CSMD1: variants seen among roughly 807,000 people sequenced by gnomAD.
CSMD1 encodes the protein CUB and sushi domain-containing protein 1.
Under a neutral mutation model 417.5 loss-of-function variants are expected in CSMD1, and 213 were observed. The observed-to-expected ratio is 0.51, with a 90% CI of 0.46 to 0.57. The LOEUF (loss-of-function observed/expected upper bound fraction) is 0.57, where lower values mean the gene tolerates loss of function less well. CSMD1 is among the 20% of genes least tolerant of loss of function. CSMD1 has a pLI of 0.00. For synonymous variants in CSMD1, 2,862 were observed against 1,736.8 expected (o/e 1.65, Z -16.11); for missense variants, 6,923 against 4,529.7 (o/e 1.53, Z -15.17).
At chr8:3,032,836 A>C (rs1256143733) in intron 50 of CSMD1, among the ~76,000 whole-genome samples, 3 of 152,104 alleles carry the variant, frequency 2.0e-5, no homozygotes, top group Non-Finnish European at 2.9e-5. Context: ...CACCCTTAAA[A>C]GAATATTTTT....
At chr8:3,651,399 G>A (rs1797851041) in intron 7 of CSMD1, among the ~76,000 whole-genome samples, 1 of 152,004 alleles carries the variant, frequency 6.6e-6, no homozygotes, top group South Asian at 2.1e-4. Context: ...TGGAAGCCAT[G>A]GCCCTTCATG....
chr8:3,412,832 A>T (rs1812897298), intron 12 of CSMD1, among the ~76,000 whole-genome samples: 1 of 152,240 alleles, frequency 6.6e-6, no homozygotes, highest in Admixed American at 6.5e-5. Flanking sequence ...GATGCCTTGA[A>T]TGAGCGTCTG....
chr8:3,307,285 G>A (rs888401838), intron 25 of CSMD1, among the ~76,000 whole-genome samples: 4 of 151,802 alleles, frequency 2.6e-5, no homozygotes, highest in Admixed American at 2.6e-4. Flanking sequence ...GAAGCCTGGT[G>A]TGCAGGGGCT....
At chr8:3,730,086 C>T (rs1802753410) in intron 6 of CSMD1, among the ~76,000 whole-genome samples, 1 of 152,014 alleles carries the variant, frequency 6.6e-6, no homozygotes, top group Non-Finnish European at 1.5e-5. Context: ...GCTCTCACCC[C>T]AAAAGAACTT....
At chr8:4,919,428 A>T (rs182015367) in intron 1 of CSMD1, among the ~76,000 whole-genome samples, 16 of 152,322 alleles carry the variant, frequency 1.1e-4, no homozygotes, top group African/African-American at 3.6e-4. Context: ...CCAATATAAT[A>T]ACAAAAATTA....
chr8:4,291,955 T>C (rs1797391927), intron 3 of CSMD1, among the ~76,000 whole-genome samples: 1 of 152,202 alleles, frequency 6.6e-6, no homozygotes, highest in African/African-American at 2.4e-5. Context: ...GGGAGCCTGG[T>C]GTCCAGAAGG....
intron 5 of CSMD1, among the ~76,000 whole-genome samples, chr8:3,915,510 C>A (rs1050956336): frequency 6.6e-6 from 1 of 150,744 alleles, no homozygotes; most frequent in Admixed American, 6.6e-5. Context: ...CAGGACATTA[C>A]TGGGCTTTGT....
chr8:4,371,460 C>T (rs868756167), intron 3 of CSMD1, among the ~76,000 whole-genome samples: 3 of 152,080 alleles, frequency 2.0e-5, no homozygotes, highest in Non-Finnish European at 2.9e-5. Context: ...GAGGGCATGT[C>T]TGGGGATAGA....
chr8:3,728,539 G>T (rs2623746), intron 6 of CSMD1, among the ~76,000 whole-genome samples: 74,999 of 152,036 alleles, frequency 0.49, 22,019 homozygotes, highest in Non-Finnish European at 0.67. Flanking sequence ...AAATATAAAC[G>T]TAGGTTTGCC....
chr8:4,639,049 C>G (rs1196948625), intron 1 of CSMD1, among the ~76,000 whole-genome samples: 1 of 152,088 alleles, frequency 6.6e-6, no homozygotes, highest in Non-Finnish European at 1.5e-5. Context: ...CCTGACCCAC[C>G]TATTCTATTT....
In CSMD1 at chr8:3,108,738, C is replaced by T. The variant is rs572398730; in HGVS notation, c.6619G>A (p.Asp2207Asn). 112 of 1,612,396 alleles carry T rather than the reference C, an allele frequency of 6.9e-5. No homozygotes were observed. Among genetic ancestry groups the T allele is most frequent in the African/African-American group, 4.1e-4 (31 of 74,992 alleles). Residue 2207 changes from aspartate (D) to asparagine (N), a missense_variant, in exon 44 of 70, where the codon GAT (aspartate) becomes AAT (asparagine). Asp to Asn is a conservative substitution (Grantham distance 23). Transcript: ENST00000635120. ...NDYIAVWDGPDQNSPQLGVFS... is the reference protein window; with the variant it reads ...NDYIAVWDGPNQNSPQLGVFS... ...ACTCCCAGCTGGGGTGAGTTCTGAT[C>T]GGGACCGTCCCTAGGAAAGACAGAA...
intron 3 of CSMD1, among the ~76,000 whole-genome samples, chr8:4,256,314 G>T (rs1198040735): frequency 6.6e-6 from 1 of 152,116 alleles, no homozygotes; most frequent in Non-Finnish European, 1.5e-5. Context: ...CAACAATTTT[G>T]CAGAAAGACC....
At chr8:4,836,569 T>A (rs925399198) in intron 1 of CSMD1, among the ~76,000 whole-genome samples, 1 of 152,212 alleles carries the variant, frequency 6.6e-6, no homozygotes, top group Non-Finnish European at 1.5e-5. Flanking sequence ...GAACTTGAAC[T>A]TTATGAATAA....
At chr8:3,352,579 T>A (rs1374480701) in intron 21 of CSMD1, among the ~76,000 whole-genome samples, 1 of 152,154 alleles carries the variant, frequency 6.6e-6, no homozygotes, top group African/African-American at 2.4e-5. Context: ...GTGGCTCACA[T>A]CTGTAATCCT....
intron 2 of CSMD1, among the ~76,000 whole-genome samples, chr8:4,435,466 G>C (rs1172118298): frequency 6.6e-6 from 1 of 152,178 alleles, no homozygotes; most frequent in Non-Finnish European, 1.5e-5. Flanking sequence ...GGTTTCCACA[G>C]AAAATCTTTG....
In CSMD1 at chr8:4,722,019, T is replaced by C. The variant is rs148760541; in HGVS notation, c.86-84461A>G. On this transcript the variant is annotated intron_variant, in intron 1 of 69. Transcript: ENST00000635120. ...CGATGGTTATTGGAGTGGGCTGGCA[T>C]CGAATGAGGAGATGTCAGTCCAAAG... 3.0e-4 allele frequency among the ~76,000 whole-genome samples: 46 copies of C among 152,214 alleles called. No homozygotes were observed. The East Asian group carries it at 3.5e-3, about 11-fold the overall frequency.
intron 44 of CSMD1, 100 bp downstream of exon 44, chr8:3,108,503 G>A: frequency 1.6e-6 from 2 of 1,281,644 alleles, no homozygotes; most frequent in East Asian, 2.4e-5. Flanking sequence ...GCCCTCGGCT[G>A]AATCAAGAAA....
chr8:4,707,881 T>C (rs1325766721), intron 1 of CSMD1, among the ~76,000 whole-genome samples: 1 of 105,314 alleles, frequency 9.5e-6, no homozygotes. Context: ...AGCAAGACTT[T>C]GTTTCAAAAA....
rs571784722 is a variant in CSMD1 at position 4,131,486 on chromosome 8, A to G, written c.416-99387T>C. On this transcript the variant is annotated intron_variant, in intron 3 of 69. Coordinates refer to ENST00000635120, the MANE Select transcript of CSMD1 (RefSeq NM_033225.6). ...TTAAAAAATAAAAGTTTGAAACCAA[A>G]TATTTTCCCCTTGGATATTCACTAA... Among the ~76,000 whole-genome samples, 8 of 152,278 alleles carry G rather than the reference A, an allele frequency of 5.3e-5. No individual in the cohort carries two copies. The East Asian group carries it at 7.7e-4, about 15-fold the overall frequency.
Sources: allele counts gnomAD v4.1 joint callset (sites outside exome capture counted in the v4.1 genomes callset), GRCh38; gene constraint gnomAD v4.1.1; transcripts MANE v1.5; gene names NCBI Gene and HGNC (gene_info 2026-07-23, HGNC 2026-07-21).